Variants in C16orf78 observed in about 807,000 individuals in gnomAD.
C16orf78 encodes the protein chromosome 16 open reading frame 78.
C16orf78 carries 19 observed loss-of-function variants against 27.3 expected under a neutral mutation model. The observed-to-expected ratio is 0.70, with a 90% CI of 0.49 to 1.02. The LOEUF is 1.02. C16orf78 is among the 50% of genes least tolerant of loss of function. The pLI is 0.00. For missense variants in C16orf78, 339 were observed against 337.0 expected, an observed-to-expected ratio of 1.01 and a Z score of -0.05; for synonymous variants, 130 against 116.1, an observed-to-expected ratio of 1.12 and a Z score of -0.77.
intron 3 of C16orf78, among the ~76,000 whole-genome samples, chr16:49,394,594 C>T (rs942389555): frequency 8.6e-5 from 13 of 151,956 alleles, no homozygotes; most frequent in Non-Finnish European, 1.5e-4. Context: ...GGGCAAATAT[C>T]ATTCTAAATG....
intron 3 of C16orf78, among the ~76,000 whole-genome samples, chr16:49,387,841 G>C (rs1965368591): frequency 6.6e-6 from 1 of 152,204 alleles, no homozygotes; most frequent in Non-Finnish European, 1.5e-5. Flanking sequence ...TATGTACAGA[G>C]AGGTTTTCAT....
At chr16:49,393,617 TA>T (rs1207656485) in intron 3 of C16orf78, among the ~76,000 whole-genome samples, 1 of 151,870 alleles carries the variant, frequency 6.6e-6, no homozygotes, top group Non-Finnish European at 1.5e-5. Context: ...AAATTTACAG[TA>T]AAAACTAAAA....
chr16:49,378,917 T>C (rs754243154), intron 3 of C16orf78, among the ~76,000 whole-genome samples: 3 of 152,130 alleles, frequency 2.0e-5, no homozygotes, highest in Non-Finnish European at 4.4e-5. Context: ...GAGTTACAAA[T>C]CATCTAATTA....
chr16:49,378,726 C>T (rs1052335509), intron 3 of C16orf78, 133 bp downstream of exon 3: 1 of 1,353,700 alleles, frequency 7.4e-7, no homozygotes, highest in African/African-American at 1.5e-5. Flanking sequence ...ACACAGGAGT[C>T]AGAAGCCCAC....
chr16:49,397,337 A>G (rs1174930511), intron 4 of C16orf78, among the ~76,000 whole-genome samples: 1 of 152,246 alleles, frequency 6.6e-6, no homozygotes, highest in Non-Finnish European at 1.5e-5. Context: ...ATAAGGAAAC[A>G]AAACAACAGA....
intron 3 of C16orf78, among the ~76,000 whole-genome samples, chr16:49,379,475 G>T (rs188652680): frequency 1.1e-4 from 15 of 141,830 alleles, no homozygotes; most frequent in African/African-American, 4.5e-4. Context: ...TGCCCCCATT[G>T]TACCCAACAA....
intron 3 of C16orf78, among the ~76,000 whole-genome samples, chr16:49,380,787 T>C (rs3900758): frequency 0.085 from 12,932 of 152,020 alleles, 733 homozygotes; most frequent in South Asian, 0.16. Flanking sequence ...AAGTCTTTAA[T>C]CCATCTTGAA....
chr16:49,396,261 A>G (rs1013347039), intron 3 of C16orf78, among the ~76,000 whole-genome samples, 162 bp from the exon 4 acceptor site: 2 of 152,014 alleles, frequency 1.3e-5, no homozygotes, highest in Admixed American at 6.6e-5. Flanking sequence ...GAAAGGGGAG[A>G]AGGGGTATAG....
rs538960250 is a variant in C16orf78, at chr16:49,384,170, GA to G, written c.394+5580del. ...TCGAGACCAGCCTGAACAACGTGGA[GA>G]AACCCCATCTTTACTAAAAATACAA... On this transcript the variant is annotated intron_variant, in intron 3 of 4. Transcript: ENST00000299191. Among the ~76,000 whole-genome samples, 831 of 152,082 alleles carry G rather than the reference GA, an allele frequency of 5.5e-3. 3 individuals carry two copies. Among genetic ancestry groups the G allele is most frequent in the Non-Finnish European group, 8.9e-3 (606 of 67,984 alleles).
chr16:49,384,574 A>G (rs913286144), intron 3 of C16orf78, among the ~76,000 whole-genome samples: 1 of 152,136 alleles, frequency 6.6e-6, no homozygotes, highest in Admixed American at 6.5e-5. Flanking sequence ...GGCAAGTGAA[A>G]CAATACATAT....
chr16:49,396,652 G>A lies in C16orf78; in HGVS notation c.624G>A (p.Leu208=). Residue 208 remains leucine, a synonymous_variant, in exon 4 of 5, where the codon TTG becomes TTA. Transcript: ENST00000299191. ...CTAAGATGGAAACCATGAGGATGTT[G>A]AAGCCAGAGGAGGTGCTGAGCTGCC... is the stretch of plus-strand genomic sequence containing the variant. ...TEPKMETMRM[L]KPEEVLSCRY... 1 of 1,610,510 alleles carries A rather than the reference G, an allele frequency of 6.2e-7. No individual in the cohort carries two copies. Among genetic ancestry groups the A allele is most frequent in the Non-Finnish European group, 8.5e-7 (1 of 1,180,004 alleles).
chr16:49,399,238 C>T lies in C16orf78; in HGVS notation c.758C>T (p.Ala253Val), dbSNP rs753077230. The T allele has an allele frequency of 3.7e-6, 6 of 1,614,150 alleles. No individual in the cohort carries two copies. In the Admixed American group the frequency reaches 5.0e-5, roughly 13 times the overall value. Residue 253 changes from alanine to valine, a missense_variant, in exon 5 of 5, where the codon GCT (alanine) becomes GTT (valine). Coordinates refer to ENST00000299191, the MANE Select transcript of C16orf78 (RefSeq NM_144602.4). ...HPHMVEEDID[A>V]KKVFTGIPSM... ...CACATGGTCGAAGAGGACATAGATG[C>T]TAAAAAGGTGTTCACCGGAATACCC...
intron 3 of C16orf78, among the ~76,000 whole-genome samples, chr16:49,388,907 T>C (rs1378004194): frequency 6.6e-6 from 1 of 152,218 alleles, no homozygotes; most frequent in African/African-American, 2.4e-5. Flanking sequence ...ACTAGAATTA[T>C]ATTAACTATC....
At chr16:49,390,824 G>A (rs1185840915) in intron 3 of C16orf78, among the ~76,000 whole-genome samples, 2 of 152,130 alleles carry the variant, frequency 1.3e-5, no homozygotes, top group African/African-American at 2.4e-5. Context: ...CCCAACTCAA[G>A]GGGACTGCTA....
intron 3 of C16orf78, among the ~76,000 whole-genome samples, chr16:49,382,603 A>C (rs928153628): frequency 3.5e-4 from 53 of 152,226 alleles, no homozygotes; most frequent in Admixed American, 3.0e-3. Context: ...TATTTTTCTC[A>C]ACTCCAAGAC....
At chr16:49,396,777 C>T in intron 4 of C16orf78, 99 bp downstream of exon 4, 1 of 1,445,768 alleles carries the variant, frequency 6.9e-7, no homozygotes, top group Non-Finnish European at 9.2e-7. Context: ...GCCTGAAGAT[C>T]TAGGAGTAGG....
chr16:49,391,964 T>C (rs1215102272), intron 3 of C16orf78, among the ~76,000 whole-genome samples: 3 of 152,156 alleles, frequency 2.0e-5, no homozygotes, highest in African/African-American at 7.2e-5. Flanking sequence ...CCAGCTACCA[T>C]GCCAGAGCAC....
Position 49,398,671 on chromosome 16 carries a change from T to C in C16orf78, c.651-460T>C, listed in dbSNP as rs143676606. On this transcript the variant is annotated intron_variant, in intron 4 of 4. Coordinates refer to ENST00000299191, the MANE Select transcript of C16orf78 (RefSeq NM_144602.4). ...GTCACAGCCACGTGGCACCATCTTC[T>C]TCCTAATGCCATTCTAACTGTGGCC... Among the ~76,000 whole-genome samples, 289 of 152,334 alleles carry C rather than the reference T, an allele frequency of 1.9e-3. 3 individuals carry two copies. Among genetic ancestry groups the C allele is most frequent in the African/African-American group, 6.5e-3 (272 of 41,580 alleles).
chr16:49,390,281 T>C (rs538870009), intron 3 of C16orf78, among the ~76,000 whole-genome samples: 1 of 152,346 alleles, frequency 6.6e-6, no homozygotes, highest in African/African-American at 2.4e-5. Context: ...TTCATCAAAT[T>C]TGACAAATTT....
Sources: allele counts gnomAD v4.1 joint callset (sites outside exome capture counted in the v4.1 genomes callset), GRCh38; gene constraint gnomAD v4.1.1; transcripts MANE v1.5; gene names NCBI Gene and HGNC (gene_info 2026-07-23, HGNC 2026-07-21).